FNBP1L: variants seen among roughly 807,000 people sequenced by gnomAD.
FNBP1L encodes formin-binding protein 1-like.
In FNBP1L, 36 loss-of-function variants were observed where a neutral mutation model predicts 91.2. The ratio of observed to expected loss-of-function variants is 0.39; its 90% CI spans 0.30 to 0.52. The LOEUF (loss-of-function observed/expected upper bound fraction) is 0.52, where lower values mean the gene tolerates loss of function less well. Among genes scored for constraint, FNBP1L ranks in the 20% least tolerant of loss-of-function variants. The probability of loss-of-function intolerance (pLI) is 0.66; values close to 1 mark genes in which losing one functional copy is unlikely to be tolerated. For missense variants in FNBP1L, 571 were observed against 732.1 expected, an observed-to-expected ratio of 0.78 and a Z score of 2.54; for synonymous variants, 242 against 237.0, an observed-to-expected ratio of 1.02 and a Z score of -0.19.
chr1:93,493,579 T>G (rs1168308763), intron 1 of FNBP1L, among the ~76,000 whole-genome samples: 6 of 152,158 alleles, frequency 3.9e-5, no homozygotes, highest in African/African-American at 1.4e-4. Context: ...TCTCTGGTTT[T>G]GACTATTGTA....
At chr1:93,530,208 G>GT (rs944772892) in intron 6 of FNBP1L, among the ~76,000 whole-genome samples, 220 of 152,174 alleles carry the variant, frequency 1.4e-3, no homozygotes, top group African/African-American at 5.1e-3. Flanking sequence ...ATTCCTTAAA[G>GT]TATCTGTGGT....
intron 1 of FNBP1L, among the ~76,000 whole-genome samples, chr1:93,450,781 T>C (rs1249451833): frequency 6.6e-6 from 1 of 152,220 alleles, no homozygotes; most frequent in Non-Finnish European, 1.5e-5. Flanking sequence ...AAAAATGATA[T>C]GTAGCCATGC....
intron 1 of FNBP1L, among the ~76,000 whole-genome samples, chr1:93,481,316 G>A (rs1669696700): frequency 6.6e-6 from 1 of 152,084 alleles, no homozygotes; most frequent in Non-Finnish European, 1.5e-5. Context: ...TTTAGTGAAA[G>A]CACACTTCAT....
chr1:93,486,801 G>T (rs1669922915), intron 1 of FNBP1L, among the ~76,000 whole-genome samples: 1 of 152,080 alleles, frequency 6.6e-6, no homozygotes, highest in Admixed American at 6.5e-5. Flanking sequence ...CTTAGCAAAG[G>T]CTCAGTGCTC....
chr1:93,456,644 G>A (rs1668674435), intron 1 of FNBP1L, among the ~76,000 whole-genome samples: 1 of 150,658 alleles, frequency 6.6e-6, no homozygotes, highest in Admixed American at 6.6e-5. Flanking sequence ...GCTGGGCGTG[G>A]TGGTGGGCAC....
chr1:93,547,451 T>C lies in FNBP1L; in HGVS notation c.1502+10T>C, dbSNP rs1416622432. On this transcript the variant is annotated intron_variant, in intron 14 of 16. Transcript: ENST00000271234. Reference sequence around the variant, plus strand: ...CACAGGGACGAGAAAGGTGATTTTTTGTATTTTATTTGTATTTCTTCTCCC... The same window carrying C: ...CACAGGGACGAGAAAGGTGATTTTTCGTATTTTATTTGTATTTCTTCTCCC... The C allele has an allele frequency of 6.5e-7, 1 of 1,546,196 alleles. No individual in the cohort carries two copies. Among genetic ancestry groups the C allele is most frequent in the Admixed American group, 2.0e-5 (1 of 50,940 alleles).
intron 1 of FNBP1L, among the ~76,000 whole-genome samples, chr1:93,457,828 G>C (rs1668720159): frequency 6.6e-6 from 1 of 151,312 alleles, no homozygotes; most frequent in Admixed American, 6.6e-5. Context: ...GTCACACTCT[G>C]TTGCTCAGGC....
chr1:93,502,383 A>G (rs973291113), intron 2 of FNBP1L, among the ~76,000 whole-genome samples: 1 of 151,854 alleles, frequency 6.6e-6, no homozygotes, highest in African/African-American at 2.4e-5. Flanking sequence ...AAATTATAAA[A>G]TAAAAATTGA....
intron 1 of FNBP1L, among the ~76,000 whole-genome samples, chr1:93,478,561 A>T (rs566834538): frequency 7.9e-5 from 12 of 152,270 alleles, no homozygotes; most frequent in Admixed American, 7.2e-4. Flanking sequence ...CATCAGCTTG[A>T]TGGAGAGTGT....
chr1:93,523,059 T>A (rs1227479021), intron 3 of FNBP1L, among the ~76,000 whole-genome samples: 2 of 152,300 alleles, frequency 1.3e-5, no homozygotes, highest in South Asian at 4.1e-4. Flanking sequence ...GTTGGCAACT[T>A]AAGAGATTCC....
At chr1:93,453,793 A>G (rs575625042) in intron 1 of FNBP1L, among the ~76,000 whole-genome samples, 1 of 152,330 alleles carries the variant, frequency 6.6e-6, no homozygotes, top group African/African-American at 2.4e-5. Context: ...TGAAACACGT[A>G]AACAGGACTG....
At chr1:93,453,742 C>T (rs946355926) in intron 1 of FNBP1L, among the ~76,000 whole-genome samples, 2 of 152,122 alleles carry the variant, frequency 1.3e-5, no homozygotes, top group Non-Finnish European at 2.9e-5. Flanking sequence ...ATGTGAAAGC[C>T]GTTCCATATT....
In FNBP1L at chr1:93,472,515, TA is replaced by T. The variant is rs555639520; in HGVS notation, c.24+24220del. Among the ~76,000 whole-genome samples, 9 of 149,626 alleles carry T rather than the reference TA, an allele frequency of 6.0e-5. No individual in the cohort carries two copies. In the South Asian group the frequency reaches 8.5e-4, roughly 14 times the overall value. ...ATCAGTGTATGTGCAGAGAGATTAT[TA>T]AAAAAAAAATCCTCGGCCGGGCGTG... On this transcript the variant is annotated intron_variant, in intron 1 of 16. Transcript: ENST00000271234.
chr1:93,507,137 TCTCTCTCTC>T (rs1670663090), intron 2 of FNBP1L, among the ~76,000 whole-genome samples: 7 of 148,368 alleles, frequency 4.7e-5, no homozygotes, highest in African/African-American at 1.5e-4. Context: ...TCTCTCTCTC[TCTCTCTCTC>T]TCTCTTTCTC....
chr1:93,461,570 A>G (rs1159405180), intron 1 of FNBP1L, among the ~76,000 whole-genome samples: 1 of 152,156 alleles, frequency 6.6e-6, no homozygotes, highest in Non-Finnish European at 1.5e-5. Flanking sequence ...AGCAGGGAAC[A>G]ACATCAACAA....
chr1:93,453,958 C>G (rs1668575023), intron 1 of FNBP1L, among the ~76,000 whole-genome samples: 1 of 152,154 alleles, frequency 6.6e-6, no homozygotes, highest in African/African-American at 2.4e-5. Context: ...GACTTTAGGG[C>G]TATGAAAAGT....
At chr1:93,552,045 T>C (rs1256047892) in intron 16 of FNBP1L, 1 of 1,031,280 alleles carries the variant, frequency 9.7e-7, no homozygotes, top group African/African-American at 1.7e-5. Context: ...CTATCTGGGT[T>C]AGAGGAAGAT....
intron 2 of FNBP1L, among the ~76,000 whole-genome samples, chr1:93,503,596 T>G (rs1670508248): frequency 6.6e-6 from 1 of 152,202 alleles, no homozygotes; most frequent in Admixed American, 6.5e-5. Context: ...TATTGATTTT[T>G]GGTTTTGGTT....
At chr1:93,549,921 C>G (rs1672353689) in intron 15 of FNBP1L, among the ~76,000 whole-genome samples, 1 of 152,202 alleles carries the variant, frequency 6.6e-6, no homozygotes, top group African/African-American at 2.4e-5. Flanking sequence ...GTAGTAGCTA[C>G]TGACTATGTT....
Sources: gnomAD v4.1 joint callset for allele counts (sites outside exome capture counted in the v4.1 genomes callset) on GRCh38, gnomAD v4.1.1 for gene constraint, MANE v1.5 for transcripts, NCBI Gene and HGNC (gene_info 2026-07-23, HGNC 2026-07-21) for gene names.